Variants in PHLDB3 observed in about 807,000 individuals in gnomAD.
The protein encoded by PHLDB3 is pleckstrin homology-like domain family B member 3.
Under a neutral mutation model 85.7 loss-of-function variants are expected in PHLDB3, and 86 were observed. The ratio of observed to expected loss-of-function variants is 1.00; its 90% CI spans 0.84 to 1.20. The LOEUF (loss-of-function observed/expected upper bound fraction) is 1.20, where lower values mean the gene tolerates loss of function less well. Ranked by LOEUF, PHLDB3 falls within the 50% of genes most tolerant of loss-of-function variation. PHLDB3 has a pLI of 0.00. For synonymous variants in PHLDB3, 376 were observed against 349.8 expected, an observed-to-expected ratio of 1.07 and a Z score of -0.83; for missense variants, 995 against 873.0, an observed-to-expected ratio of 1.14 and a Z score of -1.76.
chr19:43,479,683 G>T, intron 13 of PHLDB3, 90 bp from the exon 14 acceptor site: 1 of 847,574 alleles, frequency 1.2e-6, no homozygotes, highest in Non-Finnish European at 1.9e-6. Flanking sequence ...ATAGCAGCTT[G>T]CATGTAAGGC....
chr19:43,479,565 C>A lies in PHLDB3; in HGVS notation c.1514G>T (p.Gly505Val). 9.1e-6 allele frequency: 8 copies of A among 882,386 alleles called. No individual in the cohort carries two copies. The highest frequency in any genetic ancestry group is 1.3e-5 in the Non-Finnish European group (8 of 606,646). The allele number at this position is 882,386 out of a possible 1,614,324, so 54.7% of individuals were successfully genotyped here. ...TAPPTPPHPP[G>V]PRILDLRQHL... The stretch of plus-strand genomic sequence containing the variant: ...CTGCCGGAGATCCAAGATTCGCGGG[C>A]CTGGAGGGTGGGGTGGGGTGGGTGG... Residue 505 changes from glycine (G) to valine (V), a missense_variant, in exon 14 of 16, where the codon GGC becomes GTC. Coordinates refer to ENST00000292140, the MANE Select transcript of PHLDB3 (RefSeq NM_198850.4).
intron 1 of PHLDB3, 120 bp from the exon 2 acceptor site, chr19:43,504,252 G>A: frequency 1.1e-6 from 1 of 908,422 alleles, no homozygotes; most frequent in Non-Finnish European, 1.6e-6. Flanking sequence ...AGAGTTCAAA[G>A]GATGGAACTG....
intron 15 of PHLDB3, 138 bp from the exon 16 acceptor site, chr19:43,475,682 T>C (rs1970913745): frequency 1.8e-6 from 2 of 1,092,132 alleles, no homozygotes; most frequent in South Asian, 1.6e-5. Flanking sequence ...TTCCCTGTCT[T>C]CCCAAATGAT....
intron 9 of PHLDB3, among the ~76,000 whole-genome samples, chr19:43,491,118 A>G (rs1971302668): frequency 6.6e-6 from 1 of 152,196 alleles, no homozygotes; most frequent in Admixed American, 6.5e-5. Context: ...AGGACTGGAC[A>G]TGGCGTCCCA....
Position 43,501,801 on chromosome 19 carries a change from T to C in PHLDB3, c.467A>G (p.Glu156Gly). ...GERVAARREEEQLRELLEQQA... is the reference protein window; with the variant it reads ...GERVAARREEGQLRELLEQQA... ...CTGCTCCAGCAGCTCCCGCAGCTGCTCCTCCTCCCGGCGAGCGGCCACTCG... is the reference window on the plus strand; with the variant it reads ...CTGCTCCAGCAGCTCCCGCAGCTGCCCCTCCTCCCGGCGAGCGGCCACTCG... Residue 156 changes from glutamate (E) to glycine (G), a missense_variant, in exon 4 of 16, where the codon GAG becomes GGG. By Grantham distance (98) the Glu-to-Gly change is moderately conservative. Coordinates refer to ENST00000292140, the MANE Select transcript of PHLDB3 (RefSeq NM_198850.4). The C allele has an allele frequency of 6.3e-7, 1 of 1,588,060 alleles. No homozygotes were observed. The highest frequency in any genetic ancestry group is 8.6e-7 in the Non-Finnish European group (1 of 1,168,914).
intron 9 of PHLDB3, among the ~76,000 whole-genome samples, chr19:43,488,911 T>C (rs570656978): frequency 6.6e-6 from 1 of 152,056 alleles, no homozygotes; most frequent in Non-Finnish European, 1.5e-5. Context: ...GCGATTCTTC[T>C]GCCTCAGCCT....
rs1213396615 is a variant in PHLDB3, at chr19:43,504,216, A to C, written c.-14-84T>G. The C allele has an allele frequency of 8.4e-6, 10 of 1,194,682 alleles. No individual in the cohort carries two copies. In the East Asian group the frequency reaches 1.6e-4, roughly 19 times the overall value. 74.0% of individuals were successfully genotyped at this position (1,194,682 alleles called of 1,614,324 possible). ...CTCGCGTCTGCTCCGGGGCGCGGAG[A>C]CCCCCCCCCAAGGAGGCGGGGCCTA... On this transcript the variant is annotated intron_variant, in intron 1 of 15. Transcript: ENST00000292140.
At chr19:43,486,444 A>T in intron 12 of PHLDB3, 122 bp from the exon 13 acceptor site, 3 of 1,216,690 alleles carry the variant, frequency 2.5e-6, no homozygotes, top group Non-Finnish European at 1.1e-6. Context: ...ACTCCTGGGT[A>T]TGAGGGAGGA....
chr19:43,504,531 C>T (rs1009005956), intron 1 of PHLDB3, 58 bp downstream of exon 1: 4 of 220,396 alleles, frequency 1.8e-5, no homozygotes, highest in Non-Finnish European at 3.6e-5. Context: ...CTTCCCGGAG[C>T]CCCGTAGTCT....
intron 2 of PHLDB3, among the ~76,000 whole-genome samples, chr19:43,503,663 G>T (rs955395129): frequency 6.6e-6 from 1 of 151,970 alleles, no homozygotes; most frequent in African/African-American, 2.4e-5. Flanking sequence ...CGTTCTTGGG[G>T]CCTCCCCGTG....
In PHLDB3 at chr19:43,491,946, T is replaced by A. The variant is rs1395193654; in HGVS notation, c.1149+2756A>T. On this transcript the variant is annotated intron_variant, in intron 9 of 15. Transcript: ENST00000292140. ...CAGCGTGAGCCACTGCACCTGGCCG[T>A]TTTTTTTTTTTTGTTTTTTTTTTTT... 0.015 allele frequency among the ~76,000 whole-genome samples: 149 copies of A among 10,228 alleles called. No individual in the cohort carries two copies. The African/African-American group carries it at 0.16, about 11-fold the overall frequency. 6.7% of individuals were successfully genotyped at this position (10,228 alleles called of 152,430 possible).
intron 13 of PHLDB3, chr19:43,485,834 C>G (rs550096511): frequency 2.3e-5 from 10 of 441,386 alleles, no homozygotes; most frequent in African/African-American, 1.9e-4. Flanking sequence ...CAGGCATGAG[C>G]CACTGCACCC....
chr19:43,482,327 T>C (rs79244214), intron 13 of PHLDB3, among the ~76,000 whole-genome samples: 4,083 of 152,158 alleles, frequency 0.027, 202 homozygotes, highest in African/African-American at 0.091. Flanking sequence ...CACTCTCCTC[T>C]GGGGCTGTTT....
At chr19:43,494,030 GA>G (rs1032901210) in intron 9 of PHLDB3, among the ~76,000 whole-genome samples, 12 of 152,174 alleles carry the variant, frequency 7.9e-5, no homozygotes, top group Admixed American at 7.2e-4. Context: ...TTGGATTAGG[GA>G]TTTTTTTTGT....
At chr19:43,504,180 G>T in intron 1 of PHLDB3, 48 bp from the exon 2 acceptor site, 1 of 1,475,848 alleles carries the variant, frequency 6.8e-7, no homozygotes, top group Non-Finnish European at 9.0e-7. Context: ...GCCTAGGACG[G>T]CTGAGCGCCG....
intron 13 of PHLDB3, among the ~76,000 whole-genome samples, chr19:43,484,610 G>C (rs1014311727): frequency 6.6e-6 from 1 of 152,036 alleles, no homozygotes; most frequent in Admixed American, 6.6e-5. Flanking sequence ...TACTCGGGAG[G>C]CTGAGGTAGA....
intron 13 of PHLDB3, among the ~76,000 whole-genome samples, chr19:43,481,489 A>G (rs1376811130): frequency 6.6e-6 from 1 of 152,094 alleles, no homozygotes; most frequent in Non-Finnish European, 1.5e-5. Flanking sequence ...GTGGTGGCGC[A>G]TGCCTGTAAT....
chr19:43,503,850 C>T, intron 2 of PHLDB3, 56 bp downstream of exon 2: 2 of 1,604,616 alleles, frequency 1.2e-6, no homozygotes, highest in African/African-American at 1.3e-5. Flanking sequence ...GTCTGGCCAC[C>T]TGTTTGGGTC....
rs146172262 is a variant in PHLDB3, at chr19:43,479,855, C to G, written c.1486-262G>C. Among the ~76,000 whole-genome samples the G allele has an allele frequency of 3.9e-5, 6 of 152,140 alleles. No individual in the cohort carries two copies. In the East Asian group the frequency reaches 1.2e-3, roughly 29 times the overall value. ...TTTTACAAATGAGCAAAATGAGGTACAGAGAGATGACATAATGCACCCGAG... is the reference window on the plus strand; with the variant it reads ...TTTTACAAATGAGCAAAATGAGGTAGAGAGAGATGACATAATGCACCCGAG... On this transcript the variant is annotated intron_variant, in intron 13 of 15. Coordinates refer to ENST00000292140, the MANE Select transcript of PHLDB3 (RefSeq NM_198850.4).
Sources: allele counts gnomAD v4.1 joint callset (sites outside exome capture counted in the v4.1 genomes callset), GRCh38; gene constraint gnomAD v4.1.1; transcripts MANE v1.5; gene names NCBI Gene and HGNC (gene_info 2026-07-23, HGNC 2026-07-21).